SLC24A3: variants seen among roughly 807,000 people sequenced by gnomAD.
SLC24A3 encodes the protein sodium/potassium/calcium exchanger 3.
Under a neutral mutation model 75.8 loss-of-function variants are expected in SLC24A3, and 28 were observed. The observed-to-expected ratio is 0.37, with a 90% CI of 0.27 to 0.51. The LOEUF (loss-of-function observed/expected upper bound fraction) is 0.51. SLC24A3 is among the 20% of genes least tolerant of loss of function. SLC24A3 has a pLI of 0.94. For missense variants in SLC24A3, 663 were observed against 847.8 expected (o/e 0.78, Z 2.71); for synonymous variants, 372 against 334.1 (o/e 1.11, Z -1.24).
At position 19,212,803 on chromosome 20, in the gene SLC24A3, CGGCCGCCGCCCGCCGA is replaced by C. The variant is rs1236760805; in HGVS notation, c.-27_-12del. The C allele has an allele frequency of 1.3e-5, 13 of 979,322 alleles. No individual in the cohort carries two copies. Among genetic ancestry groups the C allele is most frequent in the Non-Finnish European group, 1.5e-5 (12 of 827,442 alleles). 60.7% of individuals were successfully genotyped at this position (979,322 alleles called of 1,614,324 possible). On this transcript the variant is annotated 5_prime_UTR_variant, in exon 1 of 17. Coordinates refer to ENST00000328041, the MANE Select transcript of SLC24A3 (RefSeq NM_020689.4). The stretch of plus-strand genomic sequence containing the variant: ...CCGCCGCGGCCGCCCGCGACAGGAG[CGGCCGCCGCCCGCCGA>C]GGCCGCCGCCCGGCCGCCCGAGGAT...
chr20:19,654,125 G>C lies in SLC24A3; in HGVS notation c.676G>C (p.Ala226Pro). 1 of 1,613,594 alleles carries C rather than the reference G, an allele frequency of 6.2e-7. No individual in the cohort carries two copies. The highest frequency in any genetic ancestry group is 8.5e-7 in the Non-Finnish European group (1 of 1,179,684). ...TATTTACTACACGCTGTCTGTGATCGCGCTCATCGTGGTGAGTCACTCTGG... is the reference window on the plus strand; with the variant it reads ...TATTTACTACACGCTGTCTGTGATCCCGCTCATCGTGGTGAGTCACTCTGG... Reference protein sequence around the residue: ...DSIYYTLSVIALIVFIYDEKV... With the variant: ...DSIYYTLSVIPLIVFIYDEKV... The change falls in exon 7 of 17, where the codon GCG (alanine) becomes CCG (proline). Residue 226 changes from alanine (A) to proline (P), a missense_variant. Physicochemically the swap from Ala to Pro is conservative, Grantham distance 27 (BLOSUM62 -1). Transcript: ENST00000328041.
At chr20:19,320,806 G>A (rs1159315253) in intron 2 of SLC24A3, among the ~76,000 whole-genome samples, 1 of 151,964 alleles carries the variant, frequency 6.6e-6, no homozygotes, top group Non-Finnish European at 1.5e-5. Context: ...ATTGTTTAGG[G>A]AATAATTACG....
intron 2 of SLC24A3, among the ~76,000 whole-genome samples, chr20:19,287,752 G>A (rs1335912890): frequency 1.3e-5 from 2 of 152,138 alleles, no homozygotes; most frequent in East Asian, 1.9e-4. Context: ...AGAACCCTGC[G>A]GAAAATAATG....
chr20:19,269,380 G>A (rs572529019), intron 1 of SLC24A3, among the ~76,000 whole-genome samples: 133 of 152,322 alleles, frequency 8.7e-4, no homozygotes, highest in African/African-American at 3.2e-3. Flanking sequence ...TACCAGATGT[G>A]TCTCTGTTAA....
rs534053422 is a variant in SLC24A3 at position 19,578,822 on chromosome 20, C to A, written c.349-1178C>A. On this transcript the variant is annotated intron_variant, in intron 3 of 16. Coordinates refer to ENST00000328041, the MANE Select transcript of SLC24A3 (RefSeq NM_020689.4). ...CATGGTATGTTATGAAGTCAAGAGG[C>A]AGGGTGGACACCTGATCAAGGGCTC... Among the ~76,000 whole-genome samples the A allele has an allele frequency of 4.6e-5, 7 of 152,210 alleles. No homozygotes were observed. In the South Asian group the frequency reaches 1.5e-3, roughly 32 times the overall value.
chr20:19,274,875 TG>T (rs1367520902), intron 1 of SLC24A3, among the ~76,000 whole-genome samples: 2 of 152,136 alleles, frequency 1.3e-5, no homozygotes, highest in African/African-American at 4.8e-5. Context: ...CTGTGTAAAC[TG>T]TAGGGTGGGG....
chr20:19,448,683 C>T (rs1225690189), intron 2 of SLC24A3, among the ~76,000 whole-genome samples: 1 of 152,164 alleles, frequency 6.6e-6, no homozygotes, highest in Admixed American at 6.5e-5. Flanking sequence ...TTTGGTCAAA[C>T]CTGGGCCGCA....
At chr20:19,321,998 GA>G in intron 2 of SLC24A3, among the ~76,000 whole-genome samples, 1 of 152,270 alleles carries the variant, frequency 6.6e-6, no homozygotes, top group Middle Eastern at 3.4e-3. Flanking sequence ...ACCTCTCTCT[GA>G]TTAGATGCAG....
intron 2 of SLC24A3, among the ~76,000 whole-genome samples, chr20:19,294,535 T>C (rs886821752): frequency 2.0e-5 from 3 of 152,222 alleles, no homozygotes; most frequent in Non-Finnish European, 2.9e-5. Context: ...ATGCAGTGTT[T>C]GGTTTTCCGT....
chr20:19,212,943 C>T lies in SLC24A3; in HGVS notation c.101C>T (p.Ala34Val). The change falls in exon 1 of 17, where the codon GCG becomes GTG. Residue 34 changes from alanine to valine, a missense_variant. Physicochemically the swap from Ala to Val is moderately conservative, Grantham distance 64. Transcript: ENST00000328041. ...LSQLCFLASV[A>V]LLLWSLSSLR... ...CAGCTCTGCTTCCTGGCCTCGGTGGCGCTGCTGCTCTGGTCGCTGTCGAGC... is the reference window on the plus strand; with the variant it reads ...CAGCTCTGCTTCCTGGCCTCGGTGGTGCTGCTGCTCTGGTCGCTGTCGAGC... The T allele has an allele frequency of 6.7e-6, 9 of 1,338,150 alleles. No individual in the cohort carries two copies. The highest frequency in any genetic ancestry group is 8.6e-6 in the Non-Finnish European group (9 of 1,043,072). The allele number at this position is 1,338,150 out of a possible 1,614,324, so 82.9% of individuals were successfully genotyped here.
At chr20:19,404,728 T>A (rs1986611895) in intron 2 of SLC24A3, among the ~76,000 whole-genome samples, 1 of 152,224 alleles carries the variant, frequency 6.6e-6, no homozygotes, top group African/African-American at 2.4e-5. Flanking sequence ...AGTGCAAGCA[T>A]GTCCCCTTGC....
At chr20:19,712,652 C>G (rs2033003971) in intron 15 of SLC24A3, among the ~76,000 whole-genome samples, 1 of 152,160 alleles carries the variant, frequency 6.6e-6, no homozygotes, top group South Asian at 2.1e-4. Flanking sequence ...TAATGGCTAG[C>G]CTGTCAGGAA....
At chr20:19,613,646 C>T (rs2031699768) in intron 6 of SLC24A3, among the ~76,000 whole-genome samples, 1 of 152,198 alleles carries the variant, frequency 6.6e-6, no homozygotes, top group South Asian at 2.1e-4. Flanking sequence ...CTCAAGACAC[C>T]TGTTCCTCCT....
At chr20:19,354,585 T>C (rs1489089654) in intron 2 of SLC24A3, among the ~76,000 whole-genome samples, 1 of 129,424 alleles carries the variant, frequency 7.7e-6, no homozygotes, top group Non-Finnish European at 1.5e-5. Flanking sequence ...AAAAAATTTG[T>C]GTATGTGTGT....
chr20:19,384,051 G>A (rs980120289), intron 2 of SLC24A3, among the ~76,000 whole-genome samples: 11 of 152,032 alleles, frequency 7.2e-5, no homozygotes, highest in African/African-American at 2.7e-4. Flanking sequence ...GGCATAATTG[G>A]CAAACAAAAT....
intron 1 of SLC24A3, among the ~76,000 whole-genome samples, chr20:19,221,049 C>T (rs1981696590): frequency 6.6e-6 from 1 of 152,190 alleles, no homozygotes; most frequent in Non-Finnish European, 1.5e-5. Context: ...AAACTTCTCT[C>T]CAGTTGCCTA....
intron 3 of SLC24A3, among the ~76,000 whole-genome samples, chr20:19,568,686 G>A (rs2031000926): frequency 6.6e-6 from 1 of 152,180 alleles, no homozygotes; most frequent in Non-Finnish European, 1.5e-5. Context: ...GGATGGCGAT[G>A]ATGGTTTCAT....
intron 6 of SLC24A3, among the ~76,000 whole-genome samples, chr20:19,599,800 C>G (rs2031502311): frequency 6.6e-6 from 1 of 152,126 alleles, no homozygotes; most frequent in South Asian, 2.1e-4. Context: ...ACGCACCTTC[C>G]CTCATCCTGA....
At chr20:19,480,541 T>G (rs1309909565) in intron 2 of SLC24A3, among the ~76,000 whole-genome samples, 1 of 152,230 alleles carries the variant, frequency 6.6e-6, no homozygotes, top group African/African-American at 2.4e-5. Flanking sequence ...CCTACCATGT[T>G]GCCTACCTGA....
Sources: gnomAD v4.1 joint callset for allele counts (sites outside exome capture counted in the v4.1 genomes callset) on GRCh38, gnomAD v4.1.1 for gene constraint, MANE v1.5 for transcripts, NCBI Gene and HGNC (gene_info 2026-07-23, HGNC 2026-07-21) for gene names.